The following LRRK2 variants were observed in gnomAD, a reference collection of about 807,000 sequenced individuals.
LRRK2 encodes the protein leucine-rich repeat serine/threonine-protein kinase 2.
A neutral mutation model predicts 302.6 loss-of-function variants in LRRK2; 203 were observed. The observed-to-expected ratio is 0.67, with a 90% CI of 0.60 to 0.75. LRRK2 has a LOEUF of 0.75. Among genes scored for constraint, LRRK2 ranks in the 30% least tolerant of loss-of-function variants. LRRK2 has a pLI of 0.00. For missense variants in LRRK2, 2,830 were observed against 2,951.0 expected, an observed-to-expected ratio of 0.96 and a Z score of 0.95; for synonymous variants, 1,066 against 1,031.9, an observed-to-expected ratio of 1.03 and a Z score of -0.63.
intron 14 of LRRK2, among the ~76,000 whole-genome samples, chr12:40,272,114 T>G (rs1187916689): frequency 6.6e-6 from 1 of 152,204 alleles, no homozygotes; most frequent in Non-Finnish European, 1.5e-5. Flanking sequence ...TTGAAAATTA[T>G]TAACGATTTT....
rs1944955880 is a variant in LRRK2 at position 40,309,326 on chromosome 12, C to G, written c.4317+93C>G. 8.2e-6 allele frequency: 12 copies of G among 1,461,354 alleles called. No individual in the cohort carries two copies. The East Asian group carries it at 2.5e-4, about 30-fold the overall frequency. 90.5% of individuals were successfully genotyped at this position (1,461,354 alleles called of 1,614,324 possible). A position where few individuals can be genotyped will look rare whatever the true frequency, so the allele number is the denominator to read the frequency against. Reference sequence around the variant, plus strand: ...TGTAAGTTAATTTATTTTGGGCAAACAATTGCTTCAGTCTCTTTAAATACT... The same window carrying G: ...TGTAAGTTAATTTATTTTGGGCAAAGAATTGCTTCAGTCTCTTTAAATACT... On this transcript the variant is annotated intron_variant, in intron 30 of 50. Transcript: ENST00000298910.
chr12:40,234,426 TG>T (rs1941353551), intron 3 of LRRK2, among the ~76,000 whole-genome samples: 1 of 130,942 alleles, frequency 7.6e-6, no homozygotes, highest in Admixed American at 8.5e-5. Flanking sequence ...GTTGCCAGGC[TG>T]GCGTGCAGTG....
chr12:40,250,993 G>A (rs552424515), intron 8 of LRRK2, among the ~76,000 whole-genome samples: 8 of 145,876 alleles, frequency 5.5e-5, no homozygotes, highest in South Asian at 4.4e-4. Context: ...TCCTCCTCTC[G>A]TCTATTAGGT....
At chr12:40,324,117 C>T (rs1236773659) in intron 38 of LRRK2, among the ~76,000 whole-genome samples, 1 of 152,078 alleles carries the variant, frequency 6.6e-6, no homozygotes. Context: ...CTGTAGATTA[C>T]ATGTGTGGTT....
chr12:40,353,196 G>A lies in LRRK2; in HGVS notation c.6577-1103G>A, dbSNP rs550477315. Among the ~76,000 whole-genome samples, 995 of 149,178 alleles carry A rather than the reference G, an allele frequency of 6.7e-3. 9 individuals are homozygous for A. Among genetic ancestry groups the A allele is most frequent in the Non-Finnish European group, 0.011 (735 of 66,784 alleles). ...TCCTCACTTCTCCGACGGGGCGGCT[G>A]CTGGGCGGAGGGGCTCCTCACTTCT... On this transcript the variant is annotated intron_variant, in intron 44 of 50. Coordinates refer to ENST00000298910, the MANE Select transcript of LRRK2 (RefSeq NM_198578.4).
chr12:40,231,570 C>G (rs61931634), intron 2 of LRRK2, among the ~76,000 whole-genome samples: 1 of 66,602 alleles, frequency 1.5e-5, no homozygotes, highest in African/African-American at 7.0e-5. Context: ...AAAACAAAAA[C>G]AAAACCAAAA....
intron 24 of LRRK2, among the ~76,000 whole-genome samples, chr12:40,298,876 A>ATATATAATACTTATTATATATATACTG: frequency 1.1e-4 from 1 of 9,098 alleles, no homozygotes; most frequent in African/African-American, 4.1e-4. Context: ...TATATATACT[A>ATATATAATACTTATTATATATATACTG]TATATAATAC....
intron 45 of LRRK2, 23 bp downstream of exon 45, chr12:40,354,515 T>G (rs745521223): frequency 6.3e-7 from 1 of 1,593,810 alleles, no homozygotes; most frequent in Non-Finnish European, 8.6e-7. Flanking sequence ...ATTTGATCAA[T>G]GGGGAAATTA....
At chr12:40,351,405 G>T (rs555790821) in intron 43 of LRRK2, 134 bp from the exon 44 acceptor site, 27 of 703,916 alleles carry the variant, frequency 3.8e-5, no homozygotes, top group Non-Finnish European at 6.1e-5. Context: ...TAATCTTGGT[G>T]ATCTAGTTGG....
intron 18 of LRRK2, among the ~76,000 whole-genome samples, chr12:40,283,273 C>T (rs1456641973): frequency 1.3e-5 from 2 of 152,108 alleles, no homozygotes; most frequent in African/African-American, 2.4e-5. Context: ...TGCTAACCCA[C>T]CCTGAACACA....
intron 33 of LRRK2, chr12:40,316,496 G>C: frequency 4.1e-6 from 1 of 246,688 alleles, no homozygotes; most frequent in Non-Finnish European, 6.5e-6. Context: ...GGAGACAGTA[G>C]TGTGACCCAG....
chr12:40,313,984 C>T lies in LRRK2; in HGVS notation c.4549C>T (p.Leu1517Phe). The T allele has an allele frequency of 6.2e-7, 1 of 1,611,124 alleles. No homozygotes were observed. Among genetic ancestry groups the T allele is most frequent in the Non-Finnish European group, 8.5e-7 (1 of 1,178,530 alleles). ...ESLNFKIRDQ[L>F]VVGQLIPDCY... Reference sequence around the variant, plus strand: ...TGTAATTTCATAGATCCGAGATCAGCTTGTTGTTGGACAGCTGATTCCAGA... The same window carrying T: ...TGTAATTTCATAGATCCGAGATCAGTTTGTTGTTGGACAGCTGATTCCAGA... Residue 1517 changes from leucine to phenylalanine, a missense_variant, in exon 32 of 51, where the codon CTT becomes TTT. This residue lies in a region of LRRK2 where 2,121 missense variants were observed against 2,148.0 expected (regional missense o/e 0.99). Transcript: ENST00000298910.
chr12:40,271,969 G>T (rs1943246292), intron 14 of LRRK2, among the ~76,000 whole-genome samples: 1 of 152,112 alleles, frequency 6.6e-6, no homozygotes, highest in African/African-American at 2.4e-5. Flanking sequence ...TGAGGACAGA[G>T]ATAGGTGCTT....
At chr12:40,332,226 C>T (rs1945732183) in intron 39 of LRRK2, among the ~76,000 whole-genome samples, 1 of 152,162 alleles carries the variant, frequency 6.6e-6, no homozygotes, top group South Asian at 2.1e-4. Context: ...GTTGGGGTCA[C>T]TTCCCCCTGA....
intron 32 of LRRK2, 70 bp downstream of exon 32, chr12:40,314,243 T>C: frequency 1.4e-6 from 2 of 1,455,280 alleles, no homozygotes; most frequent in Non-Finnish European, 1.9e-6. Context: ...CTGAATCTTT[T>C]ATAGAATTTA....
intron 46 of LRRK2, 131 bp from the exon 47 acceptor site, chr12:40,359,129 T>G (rs1022881545): frequency 2.6e-6 from 2 of 782,574 alleles, no homozygotes; most frequent in Non-Finnish European, 4.0e-6. Context: ...ATCTTTAGGT[T>G]TTTGAGTTTT....
At chr12:40,231,575 C>CCAAAAAAAAAAAAAAAA (rs1941190934) in intron 2 of LRRK2, among the ~76,000 whole-genome samples, 2 of 67,602 alleles carry the variant, frequency 3.0e-5, no homozygotes, top group Non-Finnish European at 7.2e-5. Context: ...AAAAACAAAA[C>CCAAAAAAAAAAAAAAAA]CAAAAAAAAA....
rs1361553842 is a variant in LRRK2, at chr12:40,356,247, C to T, written c.6843+60C>T. ...TTTAAGTCTTTTGTTTTATATATAT[C>T]TCACACCCCTCTTATGGGATTATAA... On this transcript the variant is annotated intron_variant, in intron 46 of 50. Coordinates refer to ENST00000298910, the MANE Select transcript of LRRK2 (RefSeq NM_198578.4). The T allele has an allele frequency of 5.2e-6, 6 of 1,153,358 alleles. No homozygotes were observed. The African/African-American group carries it at 9.3e-5, about 18-fold the overall frequency. The allele number at this position is 1,153,358 out of a possible 1,614,324, so 71.4% of individuals were successfully genotyped here. A position where few individuals can be genotyped will look rare whatever the true frequency, so the allele number is the denominator to read the frequency against.
At position 40,257,341 on chromosome 12, in the gene LRRK2, G is replaced by A; in HGVS notation, c.1382G>A (p.Ser461Asn). ...KHIHSPEVAESGCKMLNHLFE... is the reference protein window; with the variant it reads ...KHIHSPEVAENGCKMLNHLFE... ...ATACATTCTCCTGAAGTGGCTGAAA[G>A]TGGCTGTAAAATGCTAAATCATCTT... Residue 461 changes from serine to asparagine, a missense_variant, in exon 12 of 51, where the codon AGT becomes AAT. By Grantham distance (46) the Ser-to-Asn change is conservative. This residue lies in a region of LRRK2 where 2,121 missense variants were observed against 2,148.0 expected (regional missense o/e 0.99). Transcript: ENST00000298910. 1 of 1,612,958 alleles carries A rather than the reference G, an allele frequency of 6.2e-7. No homozygotes were observed. Among genetic ancestry groups the A allele is most frequent in the South Asian group, 1.1e-5 (1 of 91,066 alleles).
Sources: allele counts gnomAD v4.1 joint callset (sites outside exome capture counted in the v4.1 genomes callset), GRCh38; gene constraint gnomAD v4.1.1; regional missense constraint gnomAD v4.1.1; transcripts MANE v1.5; gene names NCBI Gene and HGNC (gene_info 2026-07-23, HGNC 2026-07-21).